SPECC1L: variants seen among roughly 807,000 people sequenced by gnomAD.
SPECC1L encodes the protein cytospin-A.
In SPECC1L, 40 loss-of-function variants were observed where a neutral mutation model predicts 116.8. The observed-to-expected ratio is 0.34, with a 90% confidence interval of 0.27 to 0.45. The LOEUF is 0.45. SPECC1L is among the 20% of genes least tolerant of loss of function. SPECC1L has a pLI of 1.00. For synonymous variants in SPECC1L, 504 were observed against 500.6 expected (o/e 1.01, Z -0.09); for missense variants, 1,110 against 1,373.6 (o/e 0.81, Z 3.03).
chr22:24,304,526 T>C (rs2049450608), intron 3 of SPECC1L: 1 of 152,258 alleles, frequency 6.6e-6, no homozygotes, highest in Non-Finnish European at 1.5e-5. Context: ...GTATGCTTAA[T>C]TCTCCTTGGT....
intron 4 of SPECC1L, among the ~76,000 whole-genome samples, chr22:24,316,852 C>T (rs1179106969): frequency 7.4e-6 from 1 of 135,726 alleles, no homozygotes; most frequent in African/African-American, 2.7e-5. Context: ...CCAGTAGGGG[C>T]GGCCGGGCAG....
chr22:24,353,290 G>A (rs1416417155), intron 11 of SPECC1L, among the ~76,000 whole-genome samples: 1 of 152,054 alleles, frequency 6.6e-6, no homozygotes, highest in African/African-American at 2.4e-5. Flanking sequence ...CCACCAGTCT[G>A]CAGCTGCTTC....
intron 2 of SPECC1L, 23 bp from the exon 3 acceptor site, chr22:24,302,172 G>A (rs1396183485): frequency 1.9e-6 from 3 of 1,574,436 alleles, no homozygotes; most frequent in Admixed American, 3.4e-5. Flanking sequence ...TGTTCTCAGT[G>A]TAATGCCATT....
intron 2 of SPECC1L, among the ~76,000 whole-genome samples, chr22:24,290,123 G>A (rs1351659533): frequency 6.9e-6 from 1 of 144,772 alleles, no homozygotes; most frequent in Non-Finnish European, 1.5e-5. Flanking sequence ...CCACTCAGGC[G>A]TGACTGAGCA....
intron 14 of SPECC1L, among the ~76,000 whole-genome samples, chr22:24,381,647 G>T (rs1259034513): frequency 5.9e-5 from 9 of 152,186 alleles, no homozygotes; most frequent in Non-Finnish European, 1.3e-4. Flanking sequence ...CACTTTGGGA[G>T]GCCGAGGGAG....
At chr22:24,310,703 G>C (rs1601532863) in intron 3 of SPECC1L, among the ~76,000 whole-genome samples, 1 of 151,446 alleles carries the variant, frequency 6.6e-6, no homozygotes, top group South Asian at 2.1e-4. Context: ...AAAGCATTCT[G>C]TGTTAGGGAC....
chr22:24,323,005 G>T, intron 5 of SPECC1L, 87 bp downstream of exon 5: 1 of 1,545,630 alleles, frequency 6.5e-7, no homozygotes, highest in Admixed American at 2.0e-5. Flanking sequence ...TTACTGGTTT[G>T]GTTTGGTGTG....
intron 12 of SPECC1L, among the ~76,000 whole-genome samples, chr22:24,365,020 T>G (rs2041725715): frequency 6.6e-6 from 1 of 152,180 alleles, no homozygotes; most frequent in Admixed American, 6.5e-5. Context: ...TGTTTTTTGT[T>G]TTTGAGATGG....
intron 2 of SPECC1L, among the ~76,000 whole-genome samples, chr22:24,293,524 A>G (rs1211267598): frequency 6.6e-6 from 1 of 152,322 alleles, no homozygotes; most frequent in South Asian, 2.1e-4. Context: ...AAGACTTGAA[A>G]ATATTAGATA....
At chr22:24,398,996 A>G (rs1157107725) in intron 14 of SPECC1L, among the ~76,000 whole-genome samples, 1 of 152,252 alleles carries the variant, frequency 6.6e-6, no homozygotes, top group Non-Finnish European at 1.5e-5. Context: ...GGGAAAAGAC[A>G]GTAATCATTC....
intron 11 of SPECC1L, among the ~76,000 whole-genome samples, chr22:24,361,924 T>C (rs2041653563): frequency 6.6e-6 from 1 of 151,892 alleles, no homozygotes; most frequent in Non-Finnish European, 1.5e-5. Flanking sequence ...AATTTTGGAG[T>C]GCAGAATATA....
chr22:24,368,773 A>G (rs1164338240), intron 13 of SPECC1L, among the ~76,000 whole-genome samples: 1 of 152,082 alleles, frequency 6.6e-6, no homozygotes, highest in African/African-American at 2.4e-5. Context: ...CAGCCTCCCA[A>G]GTAGCTGGGA....
At position 24,334,438 on chromosome 22, in the gene SPECC1L, AAT is replaced by A. The variant is rs1423862723; in HGVS notation, c.2426_2427del (p.Asn809IlefsTer6). ...AGAGGAGGAGCGAGGCCGGGTATAC[AAT>A]TACATGAATGCCGTTGAGAGAGATT... ...KQEEERGRVY[N>X]YMNAVERDLA... is the part of the protein sequence containing the mutation. On this transcript the variant is annotated frameshift_variant, in exon 9 of 17. Coordinates refer to ENST00000314328, the MANE Select transcript of SPECC1L (RefSeq NM_015330.6). LOFTEE classifies it high-confidence loss of function. The A allele has an allele frequency of 6.2e-7, 1 of 1,614,052 alleles. No homozygotes were observed. Among genetic ancestry groups the A allele is most frequent in the Non-Finnish European group, 8.5e-7 (1 of 1,180,028 alleles).
chr22:24,361,475 A>G (rs1209789578), intron 11 of SPECC1L, among the ~76,000 whole-genome samples: 2 of 152,316 alleles, frequency 1.3e-5, no homozygotes, highest in East Asian at 3.9e-4. Flanking sequence ...AACATGGCAA[A>G]ACCCTGTCTC....
At chr22:24,367,252 G>A (rs1213439289) in intron 13 of SPECC1L, among the ~76,000 whole-genome samples, 3 of 152,112 alleles carry the variant, frequency 2.0e-5, no homozygotes, top group Non-Finnish European at 4.4e-5. Flanking sequence ...TGTTTTTGAT[G>A]TGCCTTTTTG....
At chr22:24,298,282 T>A (rs1281502881) in intron 2 of SPECC1L, among the ~76,000 whole-genome samples, 3 of 152,230 alleles carry the variant, frequency 2.0e-5, no homozygotes, top group Admixed American at 6.5e-5. Context: ...AATGCATTTT[T>A]GATTCATGAT....
chr22:24,302,775 A>G (rs2049407018), intron 3 of SPECC1L, among the ~76,000 whole-genome samples: 1 of 152,130 alleles, frequency 6.6e-6, no homozygotes, highest in Non-Finnish European at 1.5e-5. Context: ...GAACAGTTTC[A>G]GGTAAGTAAA....
At chr22:24,302,491 G>A (rs2049400856) in intron 3 of SPECC1L, 107 bp downstream of exon 3, 2 of 1,433,052 alleles carry the variant, frequency 1.4e-6, no homozygotes, top group Non-Finnish European at 9.8e-7. Flanking sequence ...CTCTTCTGGT[G>A]CTGGGAACAC....
At chr22:24,300,579 C>T (rs1024755782) in intron 2 of SPECC1L, among the ~76,000 whole-genome samples, 5 of 152,234 alleles carry the variant, frequency 3.3e-5, no homozygotes, top group African/African-American at 1.2e-4. Flanking sequence ...AAGTAATTTA[C>T]ATTTCCACCA....
Sources: gnomAD v4.1 joint callset for allele counts (sites outside exome capture counted in the v4.1 genomes callset) on GRCh38, gnomAD v4.1.1 for gene constraint, MANE v1.5 for transcripts, NCBI Gene and HGNC (gene_info 2026-07-23, HGNC 2026-07-21) for gene names.